PPP3CA: variants seen among roughly 807,000 people sequenced by gnomAD.
PPP3CA encodes the protein protein phosphatase 3 catalytic subunit alpha, also known as CAM-PRP catalytic subunit.
In PPP3CA, 14 loss-of-function variants were observed where a neutral mutation model predicts 66.5. The ratio of observed to expected loss-of-function variants is 0.21; its 90% confidence interval spans 0.14 to 0.33. The LOEUF (loss-of-function observed/expected upper bound fraction) is 0.33, where lower values mean the gene tolerates loss of function less well. Among genes scored for constraint, PPP3CA ranks in the 10% least tolerant of loss-of-function variants. The pLI is 1.00. For missense variants in PPP3CA, 317 were observed against 639.5 expected, an observed-to-expected ratio of 0.50 and a Z score of 5.44; for synonymous variants, 232 against 226.2, an observed-to-expected ratio of 1.03 and a Z score of -0.23.
chr4:101,040,587 C>T (rs763968314), intron 10 of PPP3CA, 21 bp from the exon 11 acceptor site: 4 of 1,579,440 alleles, frequency 2.5e-6, no homozygotes, highest in Non-Finnish European at 2.6e-6. Context: ...AAACAGAGTT[C>T]AGTGGTCAGT....
At chr4:101,256,428 G>T (rs1726845454) in intron 1 of PPP3CA, among the ~76,000 whole-genome samples, 1 of 151,928 alleles carries the variant, frequency 6.6e-6, no homozygotes, top group African/African-American at 2.4e-5. Context: ...CATAAACATT[G>T]CTAGAAATGG....
chr4:101,252,171 T>C (rs1353239704), intron 1 of PPP3CA, among the ~76,000 whole-genome samples: 1 of 152,146 alleles, frequency 6.6e-6, no homozygotes, highest in African/African-American at 2.4e-5. Flanking sequence ...CAATCAGTAA[T>C]GTGTAGCAGA....
At chr4:101,246,963 C>T (rs1196393359) in intron 1 of PPP3CA, among the ~76,000 whole-genome samples, 3 of 152,060 alleles carry the variant, frequency 2.0e-5, no homozygotes, top group Non-Finnish European at 4.4e-5. Flanking sequence ...ATTCATCAAC[C>T]TTATGAGAAA....
At chr4:101,049,220 C>T (rs11734762) in intron 10 of PPP3CA, among the ~76,000 whole-genome samples, 8,323 of 152,120 alleles carry the variant, frequency 0.055, 299 homozygotes, top group Non-Finnish European at 0.082. Context: ...TTGGTTGAGT[C>T]GCAGAAGCTG....
At chr4:101,044,516 C>T (rs2110213534) in intron 10 of PPP3CA, among the ~76,000 whole-genome samples, 1 of 152,248 alleles carries the variant, frequency 6.6e-6, no homozygotes, top group East Asian at 1.9e-4. Flanking sequence ...CTTAAAAAAA[C>T]ATATAATCAC....
intron 4 of PPP3CA, 109 bp from the exon 5 acceptor site, chr4:101,098,621 A>G: frequency 1.0e-6 from 1 of 974,236 alleles, no homozygotes. Context: ...TTATTAACAT[A>G]AAGGCACATA....
intron 1 of PPP3CA, among the ~76,000 whole-genome samples, chr4:101,336,196 C>A (rs1360214892): frequency 6.6e-6 from 1 of 151,766 alleles, no homozygotes; most frequent in Non-Finnish European, 1.5e-5. Context: ...GCCTGGGCAA[C>A]AAGAGCAAAA....
At chr4:101,145,269 T>C (rs1722934270) in intron 2 of PPP3CA, among the ~76,000 whole-genome samples, 2 of 152,184 alleles carry the variant, frequency 1.3e-5, no homozygotes, top group African/African-American at 4.8e-5. Context: ...CCATATGATC[T>C]AACAATCCCA....
chr4:101,045,385 T>C (rs1578400013), intron 10 of PPP3CA, among the ~76,000 whole-genome samples: 1 of 152,186 alleles, frequency 6.6e-6, no homozygotes. Flanking sequence ...AAATCAGCTG[T>C]AGGGGAAACA....
chr4:101,145,279 A>T (rs970772212), intron 2 of PPP3CA, among the ~76,000 whole-genome samples: 3 of 152,200 alleles, frequency 2.0e-5, no homozygotes, highest in African/African-American at 7.2e-5. Context: ...TAACAATCCC[A>T]TTGTTGGGTA....
chr4:101,124,149 T>C (rs1452937412), intron 2 of PPP3CA, among the ~76,000 whole-genome samples: 1 of 152,172 alleles, frequency 6.6e-6, no homozygotes, highest in Non-Finnish European at 1.5e-5. Flanking sequence ...TTGCCTTCTT[T>C]AATTGAATGC....
chr4:101,057,932 ATC>A (rs1222040761), intron 10 of PPP3CA, among the ~76,000 whole-genome samples: 8 of 152,076 alleles, frequency 5.3e-5, no homozygotes, highest in Admixed American at 1.3e-4. Context: ...ACCTCTCCTC[ATC>A]TCTTTCTTCC....
chr4:101,215,747 G>C (rs1180393086), intron 1 of PPP3CA, among the ~76,000 whole-genome samples: 3 of 152,080 alleles, frequency 2.0e-5, no homozygotes, highest in Admixed American at 1.3e-4. Flanking sequence ...ATTTAATAAA[G>C]CTAATGCAAA....
chr4:101,108,887 GC>G (rs1260386487), intron 3 of PPP3CA, 66 bp downstream of exon 3: 2 of 1,498,822 alleles, frequency 1.3e-6, no homozygotes, highest in Non-Finnish European at 1.8e-6. Context: ...AACATTTACT[GC>G]TTTTATTTTT....
chr4:101,084,944 G>A (rs923104046), intron 6 of PPP3CA, among the ~76,000 whole-genome samples: 3 of 152,154 alleles, frequency 2.0e-5, no homozygotes, highest in Non-Finnish European at 4.4e-5. Context: ...CCCAGAATCA[G>A]GTGTTGACCA....
At chr4:101,061,723 C>T (rs745606232) in intron 9 of PPP3CA, among the ~76,000 whole-genome samples, 19 of 151,946 alleles carry the variant, frequency 1.3e-4, no homozygotes, top group Non-Finnish European at 2.4e-4. Flanking sequence ...TTCAAAAATG[C>T]TTAAAAAATT....
chr4:101,101,662 T>C (rs1212832688), intron 3 of PPP3CA, among the ~76,000 whole-genome samples: 1 of 152,084 alleles, frequency 6.6e-6, no homozygotes, highest in Admixed American at 6.6e-5. Flanking sequence ...AGAGGTATAA[T>C]ATATCCAGTG....
chr4:101,221,614 T>C, intron 1 of PPP3CA, among the ~76,000 whole-genome samples: 1 of 151,592 alleles, frequency 6.6e-6, no homozygotes, highest in East Asian at 1.9e-4. Flanking sequence ...GAAGAAATTA[T>C]TCTAAACAGA....
intron 2 of PPP3CA, among the ~76,000 whole-genome samples, chr4:101,124,725 G>GAAAGAAAGAAAA (rs1412415941): frequency 3.4e-4 from 20 of 58,834 alleles, no homozygotes; most frequent in African/African-American, 1.1e-3. Context: ...AAGAAAGAAA[G>GAAAGAAAGAAAA]AGAAAGAAAG....
Sources: gnomAD v4.1 joint callset for allele counts (sites outside exome capture counted in the v4.1 genomes callset) on GRCh38, gnomAD v4.1.1 for gene constraint, MANE v1.5 for transcripts, NCBI Gene and HGNC (gene_info 2026-07-23, HGNC 2026-07-21) for gene names.